EDIL3: variants seen among roughly 807,000 people sequenced by gnomAD.
EDIL3 encodes the protein EGF-like repeat and discoidin I-like domain-containing protein 3.
EDIL3 carries 37 observed loss-of-function variants against 67.4 expected under a neutral mutation model. That is an observed-to-expected ratio of 0.55 (90% CI 0.42 to 0.72). EDIL3 has a LOEUF of 0.72. Among genes scored for constraint, EDIL3 ranks in the 30% least tolerant of loss-of-function variants. The pLI is 0.00. For synonymous variants in EDIL3, 195 were observed against 196.3 expected (o/e 0.99, Z 0.05); for missense variants, 527 against 586.3 (o/e 0.90, Z 1.04).
At chr5:84,314,700 T>C (rs1323329000) in intron 1 of EDIL3, among the ~76,000 whole-genome samples, 1 of 152,146 alleles carries the variant, frequency 6.6e-6, no homozygotes, top group East Asian at 1.9e-4. Flanking sequence ...ATATTTAAAA[T>C]ATAATTTTTC....
At chr5:83,963,459 A>G (rs1744640525) in intron 9 of EDIL3, 99 bp from the exon 10 acceptor site, 5 of 1,286,854 alleles carry the variant, frequency 3.9e-6, no homozygotes, top group Admixed American at 6.0e-5. Flanking sequence ...ATATCCTAAA[A>G]TCAAAAATCT....
chr5:84,162,593 C>T (rs1376015358), intron 4 of EDIL3, among the ~76,000 whole-genome samples: 1 of 152,028 alleles, frequency 6.6e-6, no homozygotes, highest in Non-Finnish European at 1.5e-5. Flanking sequence ...CCTCTAGCTG[C>T]CTTCTTTTAT....
At chr5:84,371,935 C>T (rs1008279408) in intron 1 of EDIL3, among the ~76,000 whole-genome samples, 9 of 152,082 alleles carry the variant, frequency 5.9e-5, no homozygotes, top group Non-Finnish European at 4.4e-5. Flanking sequence ...AGTCCCACCA[C>T]GATCTATGGA....
rs558148756 is a variant in EDIL3, at chr5:83,994,492, G to C, written c.1138-31132C>G. On this transcript the variant is annotated intron_variant, in intron 9 of 10. Transcript: ENST00000296591. ...AAAATCTATTTTTTCTCTAAACTCA[G>C]GCAACAAAAATAAGTTGCATTAAAA... is the stretch of plus-strand genomic sequence containing the variant. 3.3e-5 allele frequency among the ~76,000 whole-genome samples: 5 copies of C among 150,752 alleles called. No individual in the cohort carries two copies. The South Asian group carries it at 1.0e-3, about 32-fold the overall frequency.
Position 83,943,313 on chromosome 5 carries a change from G to GAA in EDIL3, c.*104_*105dup, listed in dbSNP as rs146077789. The GAA allele has an allele frequency of 0.023, 28,812 of 1,259,334 alleles. 58 individuals are homozygous for GAA. The highest frequency in any genetic ancestry group is 0.025 in the Non-Finnish European group (23,496 of 933,942). The allele number at this position is 1,259,334 out of a possible 1,614,324, so 78.0% of individuals were successfully genotyped here. ...TACCATAATTTGAGCACTTTTTCATGAAAAAAAAAAAAAAACCATTCAGTT... is the reference window on the plus strand; with the variant it reads ...TACCATAATTTGAGCACTTTTTCATGAAAAAAAAAAAAAAAAACCATTCAGTT... On this transcript the variant is annotated 3_prime_UTR_variant, in exon 11 of 11. Coordinates refer to ENST00000296591, the MANE Select transcript of EDIL3 (RefSeq NM_005711.5).
chr5:84,143,262 A>G (rs1030652683), intron 4 of EDIL3, among the ~76,000 whole-genome samples: 2 of 151,994 alleles, frequency 1.3e-5, no homozygotes, highest in African/African-American at 4.8e-5. Context: ...TCTGTTCTTG[A>G]ACTCCCTTTT....
chr5:84,362,406 G>A (rs1225578463), intron 1 of EDIL3, among the ~76,000 whole-genome samples: 1 of 151,982 alleles, frequency 6.6e-6, no homozygotes, highest in African/African-American at 2.4e-5. Flanking sequence ...AAATAAAATG[G>A]CTGATTCATG....
At chr5:84,228,803 G>A (rs549273253) in intron 3 of EDIL3, among the ~76,000 whole-genome samples, 3 of 152,244 alleles carry the variant, frequency 2.0e-5, no homozygotes, top group East Asian at 3.9e-4. Flanking sequence ...TAGAAGCCAT[G>A]AAGCCAGGCT....
intron 1 of EDIL3, among the ~76,000 whole-genome samples, chr5:84,260,660 T>C (rs1745209408): frequency 6.6e-6 from 1 of 152,220 alleles, no homozygotes; most frequent in South Asian, 2.1e-4. Context: ...AATGTATTTA[T>C]GTATTGACAG....
At chr5:84,227,344 C>T (rs1394385466) in intron 3 of EDIL3, among the ~76,000 whole-genome samples, 1 of 152,030 alleles carries the variant, frequency 6.6e-6, no homozygotes, top group Non-Finnish European at 1.5e-5. Context: ...TGCTCATCAT[C>T]ACTTAACAGA....
chr5:84,359,209 G>A (rs113400033), intron 1 of EDIL3, among the ~76,000 whole-genome samples: 4 of 152,108 alleles, frequency 2.6e-5, no homozygotes, highest in Non-Finnish European at 4.4e-5. Context: ...ATTACCACAC[G>A]TATCTGCCTA....
At chr5:84,024,046 G>A (rs1745768652) in intron 9 of EDIL3, among the ~76,000 whole-genome samples, 1 of 152,006 alleles carries the variant, frequency 6.6e-6, no homozygotes, top group Non-Finnish European at 1.5e-5. Flanking sequence ...TCAATTTCTA[G>A]GATTTAGAGA....
In EDIL3 at chr5:84,315,461, T is replaced by C. The variant is rs534530032; in HGVS notation, c.68-61249A>G. The stretch of plus-strand genomic sequence containing the variant: ...AATCCAGTGGTTGTTTCTTATATTA[T>C]AGCATGATACCTTCAGTCATGCTAA... On this transcript the variant is annotated intron_variant, in intron 1 of 10. Transcript: ENST00000296591. Among the ~76,000 whole-genome samples the C allele has an allele frequency of 2.6e-5, 4 of 152,324 alleles. No individual in the cohort carries two copies. In the South Asian group the frequency reaches 8.3e-4, roughly 32 times the overall value.
Position 84,347,750 on chromosome 5 carries a change from T to A in EDIL3, c.67+36558A>T, listed in dbSNP as rs144206942. ...TTTTCCTTGAAGGTAGAGAGGTATATCACTAGTTTTTGCCCTTGCAGGAAC... is the reference window on the plus strand; with the variant it reads ...TTTTCCTTGAAGGTAGAGAGGTATAACACTAGTTTTTGCCCTTGCAGGAAC... On this transcript the variant is annotated intron_variant, in intron 1 of 10. Transcript: ENST00000296591. Among the ~76,000 whole-genome samples the A allele has an allele frequency of 2.6e-5, 4 of 152,368 alleles. No individual in the cohort carries two copies. In the East Asian group the frequency reaches 7.7e-4, roughly 29 times the overall value.
At chr5:84,356,889 CTTTT>C (rs1189590387) in intron 1 of EDIL3, among the ~76,000 whole-genome samples, 5 of 32,096 alleles carry the variant, frequency 1.6e-4, no homozygotes, top group African/African-American at 4.4e-4. Context: ...ATCTTTCTTT[CTTTT>C]TTTTTTTTTT....
At chr5:84,352,086 A>G (rs1747372607) in intron 1 of EDIL3, among the ~76,000 whole-genome samples, 1 of 152,192 alleles carries the variant, frequency 6.6e-6, no homozygotes, top group Non-Finnish European at 1.5e-5. Flanking sequence ...CCATAATGAT[A>G]TAACATCTCA....
chr5:84,191,741 A>C (rs963855903), intron 3 of EDIL3, among the ~76,000 whole-genome samples: 2 of 152,078 alleles, frequency 1.3e-5, no homozygotes, highest in African/African-American at 4.8e-5. Context: ...AAAAAGGAAC[A>C]GCAAAATTGA....
rs143469385 is a variant in EDIL3 at position 84,302,531 on chromosome 5, C to T, written c.68-48319G>A. ...GAGGATGGTCTCGATCTCCTGACCT[C>T]GTGATCCGCCTGCCTCGGCCTCGCA... On this transcript the variant is annotated intron_variant, in intron 1 of 10. Coordinates refer to ENST00000296591, the MANE Select transcript of EDIL3 (RefSeq NM_005711.5). 9.2e-5 allele frequency among the ~76,000 whole-genome samples: 14 copies of T among 152,250 alleles called. No individual in the cohort carries two copies. In the East Asian group the frequency reaches 1.4e-3, roughly 15 times the overall value.
intron 5 of EDIL3, among the ~76,000 whole-genome samples, chr5:84,120,345 C>T (rs903696271): frequency 2.0e-5 from 3 of 151,982 alleles, no homozygotes; most frequent in Non-Finnish European, 4.4e-5. Context: ...TTTGCATCTT[C>T]CTTCTCCAGT....
Sources: gnomAD v4.1 joint callset for allele counts (sites outside exome capture counted in the v4.1 genomes callset) on GRCh38, gnomAD v4.1.1 for gene constraint, MANE v1.5 for transcripts, NCBI Gene and HGNC (gene_info 2026-07-23, HGNC 2026-07-21) for gene names.